The following VTI1A variants were observed in gnomAD, a reference collection of about 807,000 sequenced individuals.
VTI1A encodes the protein vesicle transport through interaction with t-SNAREs homolog 1A.
In VTI1A, 22 loss-of-function variants were observed where a neutral mutation model predicts 34.9. The observed-to-expected ratio is 0.63, with a 90% CI of 0.45 to 0.90. The LOEUF (loss-of-function observed/expected upper bound fraction) is 0.90, where lower values mean the gene tolerates loss of function less well. VTI1A is among the 40% of genes least tolerant of loss of function. VTI1A has a pLI of 0.00. For missense variants in VTI1A, 268 were observed against 275.6 expected (o/e 0.97, Z 0.20); for synonymous variants, 87 against 97.3 (o/e 0.89, Z 0.62).
rs770371529 is a variant in VTI1A, at chr10:112,668,211, T to G, written c.428-7T>G. 3.7e-6 allele frequency: 6 copies of G among 1,611,990 alleles called. No homozygotes were observed. The highest frequency in any genetic ancestry group is 5.1e-6 in the Non-Finnish European group (6 of 1,178,700). On this transcript the variant is annotated splice_polypyrimidine_tract_variant and splice_region_variant and intron_variant, in intron 5 of 7. Coordinates refer to ENST00000393077, the MANE Select transcript of VTI1A (RefSeq NM_145206.4). ...ATTTTTCCTCACTCAAATTTTCTTTTCCGTAGAGCAAATTGGTCAGGAGAT... is the reference window on the plus strand; with the variant it reads ...ATTTTTCCTCACTCAAATTTTCTTTGCCGTAGAGCAAATTGGTCAGGAGAT...
In VTI1A at chr10:112,813,270, C is replaced by T. The variant is rs575625167; in HGVS notation, c.561-2020C>T. Among the ~76,000 whole-genome samples the T allele has an allele frequency of 1.6e-4, 24 of 152,338 alleles. 1 individual carries two copies. The South Asian group carries it at 4.8e-3, about 30-fold the overall frequency. On this transcript the variant is annotated intron_variant, in intron 7 of 7. Transcript: ENST00000393077. Reference sequence around the variant, plus strand: ...ATTTCTTACCATGCCTCAGATTGAACAAGTAACACCCACAGTTAATCCTTT... The same window carrying T: ...ATTTCTTACCATGCCTCAGATTGAATAAGTAACACCCACAGTTAATCCTTT...
chr10:112,803,264 T>TA (rs1231539158), intron 7 of VTI1A, among the ~76,000 whole-genome samples: 4 of 152,144 alleles, frequency 2.6e-5, no homozygotes, highest in African/African-American at 9.7e-5. Flanking sequence ...GATGGGGTTT[T>TA]ACCAGGTTGG....
At chr10:112,746,877 T>C (rs1249391235) in intron 7 of VTI1A, among the ~76,000 whole-genome samples, 1 of 152,194 alleles carries the variant, frequency 6.6e-6, no homozygotes, top group Non-Finnish European at 1.5e-5. Context: ...ATGATAAAAA[T>C]ATGTTAATAA....
chr10:112,642,586 A>G (rs1846614487), intron 5 of VTI1A, among the ~76,000 whole-genome samples: 1 of 151,986 alleles, frequency 6.6e-6, no homozygotes, highest in African/African-American at 2.4e-5. Flanking sequence ...ATATATACGT[A>G]TACACTCATA....
chr10:112,722,566 T>C (rs536326665), intron 7 of VTI1A, among the ~76,000 whole-genome samples: 2 of 152,280 alleles, frequency 1.3e-5, no homozygotes, highest in South Asian at 4.1e-4. Flanking sequence ...CAACATGCTG[T>C]TGTTCTTTGT....
At chr10:112,473,446 A>G (rs1303209076) in intron 3 of VTI1A, among the ~76,000 whole-genome samples, 2 of 151,650 alleles carry the variant, frequency 1.3e-5, no homozygotes, top group Non-Finnish European at 2.9e-5. Context: ...TAACATTAGT[A>G]TTTTCCATTT....
At chr10:112,631,436 A>AC (rs1234247059) in intron 5 of VTI1A, among the ~76,000 whole-genome samples, 1 of 151,918 alleles carries the variant, frequency 6.6e-6, no homozygotes, top group Non-Finnish European at 1.5e-5. Flanking sequence ...GCTCCACCTA[A>AC]CCCCTAGTAA....
At chr10:112,547,899 G>A (rs752789452) in intron 5 of VTI1A, among the ~76,000 whole-genome samples, 11 of 151,970 alleles carry the variant, frequency 7.2e-5, no homozygotes, top group Non-Finnish European at 1.3e-4. Context: ...TTGAAGAAAA[G>A]CAATCAATCA....
chr10:112,740,677 C>T, intron 7 of VTI1A, among the ~76,000 whole-genome samples: 1 of 152,208 alleles, frequency 6.6e-6, no homozygotes, highest in East Asian at 1.9e-4. Flanking sequence ...GTAACAAGTG[C>T]TGACAAGGAT....
chr10:112,652,807 C>T (rs1331701007), intron 5 of VTI1A, among the ~76,000 whole-genome samples: 1 of 151,874 alleles, frequency 6.6e-6, no homozygotes, highest in East Asian at 1.9e-4. Context: ...CCCACTGGGC[C>T]TAGGAGGCAG....
At chr10:112,614,079 A>G (rs910455681) in intron 5 of VTI1A, among the ~76,000 whole-genome samples, 1 of 152,126 alleles carries the variant, frequency 6.6e-6, no homozygotes, top group Non-Finnish European at 1.5e-5. Flanking sequence ...AGAGGAAGTA[A>G]TGCACATAGG....
At chr10:112,452,990 G>A (rs1440269750) in intron 1 of VTI1A, among the ~76,000 whole-genome samples, 4 of 152,028 alleles carry the variant, frequency 2.6e-5, no homozygotes, top group Non-Finnish European at 5.9e-5. Context: ...ACTATTCCAG[G>A]ATCCAATCTG....
At chr10:112,830,849 A>ATTTTTTTTTTTT in the VTI1A span, among the ~76,000 whole-genome samples, 3 of 33,496 alleles carry the variant, frequency 9.0e-5, no homozygotes, top group Admixed American at 4.7e-4. Flanking sequence ...ATATATATAT[A>ATTTTTTTTTTTT]TTTTTTTTTT....
chr10:112,567,589 AAAT>A (rs1322153601), intron 5 of VTI1A, among the ~76,000 whole-genome samples: 2 of 152,180 alleles, frequency 1.3e-5, no homozygotes, highest in African/African-American at 4.8e-5. Flanking sequence ...TTCTCATAGT[AAAT>A]AATGTCAAAG....
the VTI1A span, among the ~76,000 whole-genome samples, chr10:112,829,420 G>A: frequency 4.8e-4 from 72 of 148,824 alleles, no homozygotes; most frequent in African/African-American, 1.8e-3. Flanking sequence ...CTCCAGCCTG[G>A]GTGACAGAGC....
chr10:112,788,144 T>C (rs1243829619), intron 7 of VTI1A, among the ~76,000 whole-genome samples: 2 of 152,084 alleles, frequency 1.3e-5, no homozygotes, highest in Non-Finnish European at 2.9e-5. Flanking sequence ...ATGGTCTATG[T>C]ATGTTCTATA....
chr10:112,815,143 A>G (rs962203448), intron 7 of VTI1A, 147 bp from the exon 8 acceptor site: 346 of 379,458 alleles, frequency 9.1e-4, no homozygotes, highest in Non-Finnish European at 1.5e-3. Context: ...GCGCGCGCAC[A>G]CACACACACA....
intron 5 of VTI1A, among the ~76,000 whole-genome samples, chr10:112,603,696 C>T (rs1267239360): frequency 6.6e-6 from 1 of 152,074 alleles, no homozygotes; most frequent in African/African-American, 2.4e-5. Flanking sequence ...TCAAAAGGGG[C>T]ATTACATCCC....
At chr10:112,674,301 G>C (rs143563381) in intron 7 of VTI1A, among the ~76,000 whole-genome samples, 83 of 152,278 alleles carry the variant, frequency 5.5e-4, no homozygotes, top group African/African-American at 1.9e-3. Context: ...TAAAGTGATT[G>C]AATTTCCTAT....
Sources: gnomAD v4.1 joint callset for allele counts (sites outside exome capture counted in the v4.1 genomes callset) on GRCh38, gnomAD v4.1.1 for gene constraint, MANE v1.5 for transcripts, NCBI Gene and HGNC (gene_info 2026-07-23, HGNC 2026-07-21) for gene names.